The following FHOD3 variants were observed in gnomAD, a reference collection of about 807,000 sequenced individuals.
The protein encoded by FHOD3 is formin homology 2 domain containing 3.
Under a neutral mutation model 173.0 loss-of-function variants are expected in FHOD3, and 90 were observed. The ratio of observed to expected loss-of-function variants is 0.52; its 90% CI spans 0.44 to 0.62. FHOD3 has a LOEUF of 0.62. FHOD3 is among the 20% of genes least tolerant of loss of function. The pLI is 0.00. For missense variants in FHOD3, 1,945 were observed against 2,034.7 expected, an observed-to-expected ratio of 0.96 and a Z score of 0.85; for synonymous variants, 828 against 823.0, an observed-to-expected ratio of 1.01 and a Z score of -0.10.
At chr18:36,390,258 C>G (rs2048234507) in intron 3 of FHOD3, among the ~76,000 whole-genome samples, 1 of 152,152 alleles carries the variant, frequency 6.6e-6, no homozygotes, top group African/African-American at 2.4e-5. Context: ...GGCAGCTGCT[C>G]CTGCTTTTCT....
At chr18:36,499,819 A>C (rs537207537) in intron 3 of FHOD3, among the ~76,000 whole-genome samples, 8 of 152,282 alleles carry the variant, frequency 5.3e-5, no homozygotes, top group Non-Finnish European at 1.0e-4. Flanking sequence ...CTAGGCTCCT[A>C]CTTTTTAGAA....
At chr18:36,571,623 T>A (rs1282419451) in intron 5 of FHOD3, among the ~76,000 whole-genome samples, 1 of 152,230 alleles carries the variant, frequency 6.6e-6, no homozygotes, top group African/African-American at 2.4e-5. Flanking sequence ...TAACATTTAC[T>A]CTAAAGCTAT....
At chr18:36,537,828 C>T (rs1268995769) in intron 5 of FHOD3, among the ~76,000 whole-genome samples, 2 of 152,114 alleles carry the variant, frequency 1.3e-5, no homozygotes, top group African/African-American at 2.4e-5. Flanking sequence ...AAGTCAGTAA[C>T]ACCATTAACC....
intron 5 of FHOD3, among the ~76,000 whole-genome samples, chr18:36,566,877 ATTATAC>A (rs1490240063): frequency 5.9e-5 from 9 of 152,288 alleles, no homozygotes; most frequent in South Asian, 2.1e-4. Context: ...GAAAAAAAAA[ATTATAC>A]TTATATAAAA....
chr18:36,370,341 T>A (rs2047119838), intron 2 of FHOD3, among the ~76,000 whole-genome samples: 1 of 152,132 alleles, frequency 6.6e-6, no homozygotes, highest in Non-Finnish European at 1.5e-5. Flanking sequence ...TTTTTTTTCT[T>A]CTATGCTCTC....
intron 3 of FHOD3, among the ~76,000 whole-genome samples, chr18:36,413,899 T>C (rs1309088660): frequency 1.3e-5 from 2 of 152,200 alleles, no homozygotes; most frequent in African/African-American, 4.8e-5. Context: ...CTATTAAGCA[T>C]TAACTTCCCA....
chr18:36,539,593 C>G lies in FHOD3; in HGVS notation c.511+27050C>G, dbSNP rs576040021. ...TGGCAAAAATGGGGACTCAGTGGCA[C>G]CTTTCAATGGCAGACCCAGGCTCTT... On this transcript the variant is annotated intron_variant, in intron 5 of 28. Transcript: ENST00000590592. Among the ~76,000 whole-genome samples, 24 of 152,234 alleles carry G rather than the reference C, an allele frequency of 1.6e-4. No homozygotes were observed. The East Asian group carries it at 4.6e-3, about 29-fold the overall frequency.
At chr18:36,331,143 C>G (rs1052690281) in intron 1 of FHOD3, among the ~76,000 whole-genome samples, 11 of 152,188 alleles carry the variant, frequency 7.2e-5, no homozygotes, top group Admixed American at 7.2e-4. Flanking sequence ...GGGTGAAACT[C>G]TAAACAATAA....
intron 14 of FHOD3, among the ~76,000 whole-genome samples, chr18:36,679,041 C>A (rs1017794811): frequency 6.6e-6 from 1 of 151,894 alleles, no homozygotes; most frequent in South Asian, 2.1e-4. Context: ...ATCTGACTTT[C>A]GTGGATTTTT....
intron 3 of FHOD3, among the ~76,000 whole-genome samples, chr18:36,395,294 G>T (rs2048501150): frequency 6.9e-6 from 1 of 145,352 alleles, no homozygotes; most frequent in East Asian, 2.0e-4. Context: ...TCCAGTCTGG[G>T]TGATAGAGTG....
intron 2 of FHOD3, among the ~76,000 whole-genome samples, chr18:36,371,764 A>G (rs561600441): frequency 4.9e-4 from 74 of 152,150 alleles, no homozygotes; most frequent in Non-Finnish European, 9.0e-4. Context: ...ACCAGGAGGC[A>G]GGAAAGCACT....
chr18:36,395,505 T>G (rs2048514439), intron 3 of FHOD3, among the ~76,000 whole-genome samples: 1 of 152,140 alleles, frequency 6.6e-6, no homozygotes, highest in Non-Finnish European at 1.5e-5. Flanking sequence ...AGTTGGGGAG[T>G]CTTTGATGTA....
intron 10 of FHOD3, among the ~76,000 whole-genome samples, chr18:36,643,840 T>C (rs1449781007): frequency 6.6e-6 from 1 of 152,226 alleles, no homozygotes; most frequent in Non-Finnish European, 1.5e-5. Context: ...TGCAAATGTC[T>C]GCTCCCAGTG....
chr18:36,332,061 C>T (rs908049909), intron 1 of FHOD3, among the ~76,000 whole-genome samples: 2 of 152,188 alleles, frequency 1.3e-5, no homozygotes, highest in African/African-American at 4.8e-5. Flanking sequence ...CTCACCAGTC[C>T]CTTCCTCCTG....
chr18:36,540,690 G>C (rs1458780704), intron 5 of FHOD3, among the ~76,000 whole-genome samples: 4 of 152,136 alleles, frequency 2.6e-5, no homozygotes, highest in Non-Finnish European at 5.9e-5. Context: ...GTGTGAAAAG[G>C]AAGGGTGATT....
At chr18:36,759,393 T>C (rs2042774500) in intron 26 of FHOD3, among the ~76,000 whole-genome samples, 1 of 152,174 alleles carries the variant, frequency 6.6e-6, no homozygotes, top group Non-Finnish European at 1.5e-5. Context: ...TCAGTAACCA[T>C]GTCACAAGTG....
intron 28 of FHOD3, among the ~76,000 whole-genome samples, chr18:36,776,718 A>G (rs945185903): frequency 2.0e-5 from 3 of 152,202 alleles, no homozygotes; most frequent in African/African-American, 7.2e-5. Flanking sequence ...CCCTCACAGC[A>G]GAGGACACAT....
intron 14 of FHOD3, among the ~76,000 whole-genome samples, chr18:36,673,475 T>C (rs1259484533): frequency 6.6e-6 from 1 of 152,168 alleles, no homozygotes; most frequent in African/African-American, 2.4e-5. Context: ...AGCCATTTAC[T>C]TTACCTCTCC....
intron 5 of FHOD3, among the ~76,000 whole-genome samples, chr18:36,530,008 T>G (rs2056713499): frequency 6.8e-6 from 1 of 147,072 alleles, no homozygotes; most frequent in Non-Finnish European, 1.5e-5. Flanking sequence ...CCTTCCAAGG[T>G]AGGGGGTTTG....
Sources: gnomAD v4.1 joint callset for allele counts (sites outside exome capture counted in the v4.1 genomes callset) on GRCh38, gnomAD v4.1.1 for gene constraint, MANE v1.5 for transcripts, NCBI Gene and HGNC (gene_info 2026-07-23, HGNC 2026-07-21) for gene names.